Variants in ENTREP2 observed in about 807,000 individuals in gnomAD.
The protein encoded by ENTREP2 is protein ENTREP2.
At chr15:29,185,710 C>T in the ENTREP2 span, among the ~76,000 whole-genome samples, 7 of 151,980 alleles carry the variant, frequency 4.6e-5, no homozygotes, top group East Asian at 1.9e-4. Flanking sequence ...TACAGGCGCC[C>T]GCCACCACAC....
chr15:29,176,334 T>C, the ENTREP2 span, among the ~76,000 whole-genome samples: 4 of 152,108 alleles, frequency 2.6e-5, no homozygotes, highest in Non-Finnish European at 2.9e-5. Flanking sequence ...CCACCTTTCC[T>C]GATTAATGCA....
the ENTREP2 span, among the ~76,000 whole-genome samples, chr15:29,377,789 C>G: frequency 7.4e-5 from 11 of 148,932 alleles, no homozygotes; most frequent in African/African-American, 2.5e-4. Context: ...CCATTGCCCT[C>G]CAGCCTGGGC....
chr15:29,585,582 C>T, the ENTREP2 span, among the ~76,000 whole-genome samples: 2 of 152,244 alleles, frequency 1.3e-5, no homozygotes, highest in Admixed American at 6.5e-5. Context: ...ACAGGCCGGG[C>T]GCGGTGGCTC....
the ENTREP2 span, among the ~76,000 whole-genome samples, chr15:29,293,224 C>T: frequency 2.0e-5 from 3 of 151,362 alleles, no homozygotes; most frequent in East Asian, 1.9e-4. Context: ...ACTCAACTCC[C>T]GTTACCTCAA....
the ENTREP2 span, among the ~76,000 whole-genome samples, chr15:29,443,047 C>T: frequency 4.6e-5 from 7 of 152,204 alleles, no homozygotes. Context: ...AGGGAAGCCG[C>T]ATGTTTTCAT....
the ENTREP2 span, among the ~76,000 whole-genome samples, chr15:29,589,184 T>C: frequency 1.6e-4 from 24 of 152,030 alleles, no homozygotes; most frequent in Admixed American, 1.4e-3. Context: ...GCTGGCAAAG[T>C]TTAATTTCTT....
chr15:29,338,690 C>T, the ENTREP2 span, among the ~76,000 whole-genome samples: 66 of 152,228 alleles, frequency 4.3e-4, 1 homozygote, highest in African/African-American at 1.5e-3. Context: ...AACCACCCAG[C>T]TTGATGTTCC....
chr15:29,223,140 G>A, the ENTREP2 span, among the ~76,000 whole-genome samples: 1 of 152,228 alleles, frequency 6.6e-6, no homozygotes, highest in Admixed American at 6.5e-5. Flanking sequence ...AATGGACAGT[G>A]ACTTTTAAAG....
chr15:29,247,827 C>A, the ENTREP2 span, among the ~76,000 whole-genome samples: 2 of 152,172 alleles, frequency 1.3e-5, no homozygotes, highest in African/African-American at 2.4e-5. Flanking sequence ...TAAACACTCC[C>A]TCCCAGCTCT....
chr15:29,536,001 C>G, the ENTREP2 span, among the ~76,000 whole-genome samples: 24 of 152,270 alleles, frequency 1.6e-4, 1 homozygote, highest in South Asian at 5.0e-3. Flanking sequence ...CCAACAGCCA[C>G]GTTCCCTCTT....
the ENTREP2 span, among the ~76,000 whole-genome samples, chr15:29,248,508 C>A: frequency 6.6e-6 from 1 of 151,854 alleles, no homozygotes; most frequent in Non-Finnish European, 1.5e-5. Context: ...ATATTTAAAT[C>A]TATAACTGAG....
the ENTREP2 span, chr15:29,120,392 G>A: frequency 3.3e-5 from 5 of 152,432 alleles, no homozygotes; most frequent in South Asian, 1.0e-3. Context: ...TGCCTTAGCA[G>A]CCTCTGAGAG....
the ENTREP2 span, among the ~76,000 whole-genome samples, chr15:29,537,258 G>C: frequency 2.0e-5 from 3 of 152,144 alleles, no homozygotes; most frequent in Admixed American, 6.5e-5. Flanking sequence ...GCCCACTAGA[G>C]TCCACGCACC....
chr15:29,168,088 C>T, the ENTREP2 span, among the ~76,000 whole-genome samples: 36 of 152,124 alleles, frequency 2.4e-4, no homozygotes, highest in Non-Finnish European at 4.7e-4. Context: ...AACCAAACAT[C>T]GTACGTTCTC....
the ENTREP2 span, among the ~76,000 whole-genome samples, chr15:29,279,895 C>G: frequency 0.018 from 2,667 of 152,060 alleles, 46 homozygotes; most frequent in African/African-American, 0.038. Flanking sequence ...GCCTTTTGTA[C>G]ATGGGCAACC....
At chr15:29,484,678 C>A in the ENTREP2 span, among the ~76,000 whole-genome samples, 1 of 152,144 alleles carries the variant, frequency 6.6e-6, no homozygotes. Context: ...AACAGAAACA[C>A]TCAGCTAAGA....
the ENTREP2 span, among the ~76,000 whole-genome samples, chr15:29,309,256 T>C: frequency 1.3e-5 from 2 of 152,098 alleles, no homozygotes; most frequent in Non-Finnish European, 2.9e-5. Flanking sequence ...GCTATCAGAG[T>C]AATCCCTTTT....
At chr15:29,259,811 C>CATATATATATATGGATATATATAT in the ENTREP2 span, among the ~76,000 whole-genome samples, 1 of 149,318 alleles carries the variant, frequency 6.7e-6, no homozygotes, top group African/African-American at 2.5e-5. Flanking sequence ...ATCCCATTTA[C>CATATATATATATGGATATATATAT]ATATATATAT....
the ENTREP2 span, among the ~76,000 whole-genome samples, chr15:29,500,569 C>T: frequency 6.6e-6 from 1 of 151,922 alleles, no homozygotes; most frequent in Non-Finnish European, 1.5e-5. Flanking sequence ...TATACTAAAG[C>T]TTAATCTTTC....
Sources: gnomAD v4.1 joint callset for allele counts (sites outside exome capture counted in the v4.1 genomes callset) on GRCh38, gnomAD v4.1.1 for gene constraint, MANE v1.5 for transcripts, NCBI Gene and HGNC (gene_info 2026-07-23, HGNC 2026-07-21) for gene names.